Variants in CPLX2 observed in about 807,000 individuals in gnomAD.
The protein encoded by CPLX2 is complexin 2, also known as complexin-2.
In CPLX2, 5 loss-of-function variants were observed where a neutral mutation model predicts 16.3. The ratio of observed to expected loss-of-function variants is 0.31; its 90% CI spans 0.16 to 0.64. The LOEUF is 0.64. Ranked by LOEUF, CPLX2 falls within the 30% of genes least tolerant of loss-of-function variation. CPLX2 has a pLI of 0.79. For missense variants in CPLX2, 144 were observed against 181.4 expected, an observed-to-expected ratio of 0.79 and a Z score of 1.18; for synonymous variants, 89 against 73.2, an observed-to-expected ratio of 1.22 and a Z score of -1.10.
At position 175,883,454 on chromosome 5, in the gene CPLX2, C is replaced by G. The variant is rs1160364268; in HGVS notation, c.*3409C>G. ...TACAGAAGTATTGCAGCCCAGATCC[C>G]CTATCAGGGGGACAGCTGGTGGGCA... On this transcript the variant is annotated 3_prime_UTR_variant, in exon 4 of 4. Coordinates refer to ENST00000393745, the MANE Select transcript of CPLX2 (RefSeq NM_001008220.2). 6.6e-6 allele frequency: 1 copy of G among 152,374 alleles called. No homozygotes were observed. The highest frequency in any genetic ancestry group is 1.5e-5 in the Non-Finnish European group (1 of 68,200). The allele number at this position is 152,374 out of a possible 1,614,324, so 9.4% of individuals were successfully genotyped here. A position where few individuals can be genotyped will look rare whatever the true frequency, so the allele number is the denominator to read the frequency against.
rs368465650 is a variant in CPLX2, at chr5:175,797,288, C to T, written c.-169+504C>T. Among the ~76,000 whole-genome samples, 347 of 152,304 alleles carry T rather than the reference C, an allele frequency of 2.3e-3. 1 individual carries two copies. Among genetic ancestry groups the T allele is most frequent in the African/African-American group, 8.0e-3 (334 of 41,586 alleles). ...TCAGCTTCTCCCAGAGAGGTGTCAC[C>T]GGCGAGCTAGGCGGGGGCCTAGCAC... On this transcript the variant is annotated intron_variant, in intron 1 of 4. Transcript: ENST00000359546.
intron 3 of CPLX2, 196 bp from the exon 4 acceptor site, chr5:175,879,652 C>A: frequency 1.4e-6 from 1 of 699,966 alleles, no homozygotes. Flanking sequence ...TAAAGGAAAC[C>A]CCACGTATGG....
upstream of CPLX2, among the ~76,000 whole-genome samples, chr5:175,868,281 A>C (rs1759514776): frequency 6.6e-6 from 1 of 152,172 alleles, no homozygotes; most frequent in African/African-American, 2.4e-5. Flanking sequence ...CACCTTACGC[A>C]AGCTCTCTCA....
At chr5:175,819,951 A>C (rs1210153955) in intron 2 of CPLX2, among the ~76,000 whole-genome samples, 2 of 152,202 alleles carry the variant, frequency 1.3e-5, no homozygotes, top group Non-Finnish European at 2.9e-5. Flanking sequence ...CTCACTCCTT[A>C]TTTTGCAGAA....
intron 2 of CPLX2, among the ~76,000 whole-genome samples, chr5:175,860,861 G>A (rs574138635): frequency 1.3e-5 from 2 of 152,226 alleles, no homozygotes; most frequent in East Asian, 3.9e-4. Context: ...GGAACTCCAG[G>A]CAACACTAGA....
chr5:175,874,978 G>T (rs1759724687), intron 1 of CPLX2, among the ~76,000 whole-genome samples: 1 of 152,192 alleles, frequency 6.6e-6, no homozygotes, highest in African/African-American at 2.4e-5. Flanking sequence ...AAGGTGGGGG[G>T]AGGGAGTCAG....
Position 175,866,161 on chromosome 5 carries a change from C to A in CPLX2, c.-88-12491C>A, listed in dbSNP as rs116279718. Among the ~76,000 whole-genome samples the A allele has an allele frequency of 1.8e-3, 278 of 152,302 alleles. 3 individuals carry two copies. The highest frequency in any genetic ancestry group is 6.6e-3 in the African/African-American group (274 of 41,560). ...GGGACCCTCTCGAGAGCATGGAAAGCAAACTTTGATGCTACACTGATTGTG... is the reference window on the plus strand; with the variant it reads ...GGGACCCTCTCGAGAGCATGGAAAGAAAACTTTGATGCTACACTGATTGTG... On this transcript the variant is annotated intron_variant, in intron 2 of 4. Transcript: ENST00000359546.
Position 175,875,819 on chromosome 5 carries a change from A to T in CPLX2, c.-88-2833A>T, listed in dbSNP as rs578041168. Among the ~76,000 whole-genome samples the T allele has an allele frequency of 1.8e-4, 27 of 152,248 alleles. No homozygotes were observed. In the South Asian group the frequency reaches 5.4e-3, roughly 30 times the overall value. ...ATCAGGCAGCAGGATTTTTGGGCAG[A>T]CTCGGGAATTTCAGATAAAGAATCC... On this transcript the variant is annotated intron_variant, in intron 1 of 3. Coordinates refer to ENST00000393745, the MANE Select transcript of CPLX2 (RefSeq NM_001008220.2).
chr5:175,866,613 G>A, upstream of CPLX2, among the ~76,000 whole-genome samples: 1 of 152,258 alleles, frequency 6.6e-6, no homozygotes, highest in Admixed American at 6.5e-5. Context: ...GGCTGGCAGA[G>A]GACCTCTGAG....
At chr5:175,858,335 C>T (rs1324115258) in intron 2 of CPLX2, among the ~76,000 whole-genome samples, 3 of 152,242 alleles carry the variant, frequency 2.0e-5, no homozygotes, top group Admixed American at 2.0e-4. Flanking sequence ...CGACACCACC[C>T]TTCCCAGCCC....
chr5:175,799,689 T>A (rs1379748973), intron 1 of CPLX2, among the ~76,000 whole-genome samples: 9 of 150,532 alleles, frequency 6.0e-5, no homozygotes, highest in South Asian at 2.1e-4. Context: ...CTATTTTTTT[T>A]ATTTTTTTTA....
At chr5:175,858,975 C>T (rs1487689266) in intron 2 of CPLX2, among the ~76,000 whole-genome samples, 1 of 152,194 alleles carries the variant, frequency 6.6e-6, no homozygotes, top group Non-Finnish European at 1.5e-5. Context: ...CACACAGCTC[C>T]CTCTTGCTAC....
intron 2 of CPLX2, among the ~76,000 whole-genome samples, chr5:175,837,209 C>T (rs7705321): frequency 0.13 from 20,090 of 152,190 alleles, 1,497 homozygotes; most frequent in Middle Eastern, 0.22. Flanking sequence ...AGCTGTGCTT[C>T]CCCCTGACCT....
intron 2 of CPLX2, among the ~76,000 whole-genome samples, chr5:175,827,158 T>TTCC (rs1758631752): frequency 6.6e-6 from 1 of 152,144 alleles, no homozygotes; most frequent in South Asian, 2.1e-4. Flanking sequence ...TCACATGCCC[T>TTCC]TCCCTGCACC....
chr5:175,878,536 A>C, intron 1 of CPLX2, 116 bp from the exon 2 acceptor site: 1 of 618,150 alleles, frequency 1.6e-6, no homozygotes, highest in Non-Finnish European at 2.9e-6. Context: ...TTGGGTCTTG[A>C]CCTCAGAGCG....
chr5:175,822,843 G>A (rs532772898), intron 2 of CPLX2, among the ~76,000 whole-genome samples: 3 of 152,340 alleles, frequency 2.0e-5, no homozygotes, highest in South Asian at 2.1e-4. Context: ...ACACGGACCC[G>A]TTAATGATGG....
intron 2 of CPLX2, among the ~76,000 whole-genome samples, chr5:175,858,991 A>G (rs1759312376): frequency 6.6e-6 from 1 of 152,228 alleles, no homozygotes; most frequent in African/African-American, 2.4e-5. Context: ...GCTACCAGAG[A>G]AGCCACGTGA....
chr5:175,830,459 G>T lies in CPLX2; in HGVS notation c.-89+21391G>T, dbSNP rs146032291. On this transcript the variant is annotated intron_variant, in intron 2 of 4. Coordinates refer to the CPLX2 transcript ENST00000359546. This position sits in a 1 kb window ranked among gnomAD's most constrained non-coding sequence, Gnocchi z 4.0. ...GGAGGTGCGTGATGCCCCCACAGAG[G>T]AGAGTGAAGCGAGGCAGCCCTCCTT... Among the ~76,000 whole-genome samples the T allele has an allele frequency of 5.9e-5, 9 of 152,306 alleles. No homozygotes were observed. Among genetic ancestry groups the T allele is most frequent in the Non-Finnish European group, 1.2e-4 (8 of 68,022 alleles).
upstream of CPLX2, among the ~76,000 whole-genome samples, chr5:175,866,768 C>T (rs559937184): frequency 5.3e-5 from 8 of 152,276 alleles, no homozygotes; most frequent in Admixed American, 1.3e-4. Context: ...GCCTGGTACC[C>T]TCTTTCTGAG....
Sources: allele counts gnomAD v4.1 joint callset (sites outside exome capture counted in the v4.1 genomes callset), GRCh38; gene constraint gnomAD v4.1.1; non-coding constraint Gnocchi (gnomAD v3.1); transcripts MANE v1.5; gene names NCBI Gene and HGNC (gene_info 2026-07-23, HGNC 2026-07-21).